The following PNPLA7 variants were observed in gnomAD, a reference collection of about 807,000 sequenced individuals.
PNPLA7 encodes patatin-like phospholipase domain-containing protein 7.
In PNPLA7, 153 loss-of-function variants were observed where a neutral mutation model predicts 161.7. That is an observed-to-expected ratio of 0.95 (90% CI 0.83 to 1.08). The LOEUF is 1.08. PNPLA7 is among the 50% of genes least tolerant of loss of function. The pLI is 0.00. For synonymous variants in PNPLA7, 809 were observed against 782.1 expected (o/e 1.03, Z -0.57); for missense variants, 1,739 against 1,856.6 (o/e 0.94, Z 1.16).
At position 137,540,880 on chromosome 9, in the gene PNPLA7, A is replaced by G; in HGVS notation, c.667-158T>C. 1 of 635,186 alleles carries G rather than the reference A, an allele frequency of 1.6e-6. No homozygotes were observed. Among genetic ancestry groups the G allele is most frequent in the Non-Finnish European group, 2.8e-6 (1 of 354,430 alleles). 39.3% of individuals were successfully genotyped at this position (635,186 alleles called of 1,614,324 possible). On this transcript the variant is annotated intron_variant, in intron 7 of 34. Transcript: ENST00000406427. This position sits in a 1 kb window ranked among gnomAD's most constrained non-coding sequence, Gnocchi z 5.1. ...CCTTGGATGGAGGGCAGGGGACAAG[A>G]TGGACCTGCTGGCATCAGGGGTACA... is the stretch of plus-strand genomic sequence containing the variant.
Position 137,462,185 on chromosome 9 carries a change from C to G in PNPLA7, c.3639G>C (p.Glu1213Asp). ...GCGGGTGGCCGGCACTCACGCAGAT[C>G]TCGTTGAACTTGCCGAAGTCCAGGG... The part of the protein sequence containing the change: ...YSTLDFGKFN[E>D]ICEVGYQHGR... Residue 1213 changes from glutamate (E) to aspartate (D), a missense_variant, in exon 31 of 35, where the codon GAG becomes GAC. Transcript: ENST00000406427. The G allele has an allele frequency of 6.4e-7, 1 of 1,564,838 alleles. No homozygotes were observed.
rs572208797 is a variant in PNPLA7 at position 137,540,406 on chromosome 9, T to C, written c.747+236A>G. On this transcript the variant is annotated intron_variant, in intron 8 of 34. Coordinates refer to ENST00000406427, the MANE Select transcript of PNPLA7 (RefSeq NM_001098537.3). This position sits in a 1 kb window ranked among gnomAD's most constrained non-coding sequence, Gnocchi z 5.1. Reference sequence around the variant, plus strand: ...CATTTATGACCCAGTTCAACAACAGTCATTTAAGAGACAACCAAAACCGTT... The same window carrying C: ...CATTTATGACCCAGTTCAACAACAGCCATTTAAGAGACAACCAAAACCGTT... Among the ~76,000 whole-genome samples the C allele has an allele frequency of 4.0e-4, 61 of 152,300 alleles. No individual in the cohort carries two copies. Among genetic ancestry groups the C allele is most frequent in the Non-Finnish European group, 7.6e-4 (52 of 68,020 alleles).
intron 8 of PNPLA7, among the ~76,000 whole-genome samples, chr9:137,526,468 G>A (rs570380744): frequency 2.0e-5 from 3 of 152,250 alleles, no homozygotes; most frequent in South Asian, 2.1e-4. Context: ...TAGTAGAGAC[G>A]GGGTTTCACC....
chr9:137,536,674 T>C (rs1053869217), intron 8 of PNPLA7, among the ~76,000 whole-genome samples: 2 of 152,140 alleles, frequency 1.3e-5, no homozygotes, highest in African/African-American at 4.8e-5. Flanking sequence ...CTGTGAATAG[T>C]ATCCATGAAG....
At chr9:137,461,838 G>GGGCGTGGCCTGATGAA (rs1831215400) in intron 32 of PNPLA7, 93 bp downstream of exon 32, 1 of 1,361,922 alleles carries the variant, frequency 7.3e-7, no homozygotes, top group South Asian at 1.4e-5. Context: ...GGCCTGAGGA[G>GGGCGTGGCCTGATGAA]CTGGGCGTGG....
rs111973522 is a variant in PNPLA7, at chr9:137,500,310, G to A, written c.1757+381C>T. Reference sequence around the variant, plus strand: ...CGACACGTCAGCCCAGGCTGCAGAGGTGGGACGGCTCACGGCCCCTGAAGC... The same window carrying A: ...CGACACGTCAGCCCAGGCTGCAGAGATGGGACGGCTCACGGCCCCTGAAGC... On this transcript the variant is annotated intron_variant, in intron 16 of 34. Transcript: ENST00000406427. The surrounding 1 kb of genome is among the most constrained non-coding windows in gnomAD (Gnocchi z 5.5). 0.022 allele frequency among the ~76,000 whole-genome samples: 3,299 copies of A among 150,144 alleles called. 41 individuals are homozygous for A. The highest frequency in any genetic ancestry group is 0.033 in the Non-Finnish European group (2,241 of 68,030).
intron 21 of PNPLA7, 94 bp downstream of exon 21, chr9:137,484,493 G>T (rs528179816): frequency 8.0e-6 from 11 of 1,370,256 alleles, no homozygotes; most frequent in Non-Finnish European, 1.1e-5. Context: ...CCCACCCACC[G>T]CCGCGTCCCC....
At chr9:137,489,284 A>G (rs904874343) in intron 20 of PNPLA7, among the ~76,000 whole-genome samples, 1 of 152,244 alleles carries the variant, frequency 6.6e-6, no homozygotes, top group African/African-American at 2.4e-5. Flanking sequence ...CCTAGTAGGC[A>G]GACCAGGGTC....
At chr9:137,503,843 A>G (rs1833701185) in intron 14 of PNPLA7, among the ~76,000 whole-genome samples, 1 of 134,438 alleles carries the variant, frequency 7.4e-6, no homozygotes, top group African/African-American at 2.8e-5. Context: ...AAGCAAGAAG[A>G]AGAAGGAAGA....
At chr9:137,491,518 A>G in intron 20 of PNPLA7, 5 of 985,430 alleles carry the variant, frequency 5.1e-6, no homozygotes, top group Non-Finnish European at 6.0e-6. Flanking sequence ...GTTACGTGTT[A>G]GACAGTGTCC....
rs561467867 is a variant in PNPLA7 at position 137,473,819 on chromosome 9, T to TG, written c.2882+4214dup. ...CCATTACCAAGGGTCGGTGGGGATG[T>TG]GGGTCACTCGAACTCTCAGACATTG... On this transcript the variant is annotated intron_variant, in intron 25 of 34. Coordinates refer to ENST00000406427, the MANE Select transcript of PNPLA7 (RefSeq NM_001098537.3). Among the ~76,000 whole-genome samples the TG allele has an allele frequency of 3.7e-4, 56 of 152,302 alleles. 1 individual carries two copies. The South Asian group carries it at 0.012, about 32-fold the overall frequency.
At chr9:137,463,323 T>C in intron 29 of PNPLA7, 92 bp downstream of exon 29, 1 of 1,166,578 alleles carries the variant, frequency 8.6e-7, no homozygotes, top group Non-Finnish European at 1.2e-6. Flanking sequence ...AGCCCAGGCT[T>C]CTTGGAGCGG....
intron 14 of PNPLA7, among the ~76,000 whole-genome samples, chr9:137,503,323 G>C (rs1756086248): frequency 6.6e-6 from 1 of 152,022 alleles, no homozygotes; most frequent in South Asian, 2.1e-4. Context: ...GGAGGTTGCA[G>C]TGAACTGAGA....
chr9:137,508,876 A>G (rs2132371779), intron 12 of PNPLA7: 1 of 152,382 alleles, frequency 6.6e-6, no homozygotes, highest in East Asian at 1.9e-4. Context: ...AAGAATTCCT[A>G]TTAATAATAA....
At position 137,480,656 on chromosome 9, in the gene PNPLA7, C is replaced by G. The variant is rs979380288; in HGVS notation, c.2412-176G>C. 7.6e-6 allele frequency: 6 copies of G among 790,442 alleles called. No individual in the cohort carries two copies. The African/African-American group carries it at 1.0e-4, about 14-fold the overall frequency. The allele number at this position is 790,442 out of a possible 1,614,324, so 49.0% of individuals were successfully genotyped here. A position where few individuals can be genotyped will look rare whatever the true frequency, so the allele number is the denominator to read the frequency against. On this transcript the variant is annotated intron_variant, in intron 22 of 34. Coordinates refer to ENST00000406427, the MANE Select transcript of PNPLA7 (RefSeq NM_001098537.3). ...GAGTTATTCAGGGCCTAGGCAGTCA[C>G]GCAGAGGCTGCAGTTAAGCCCAGAG...
chr9:137,462,943 C>G, intron 29 of PNPLA7, 110 bp from the exon 30 acceptor site: 1 of 1,426,212 alleles, frequency 7.0e-7, no homozygotes, highest in Non-Finnish European at 9.6e-7. Context: ...GGTCTCCTCT[C>G]CGCCATTACA....
At chr9:137,521,469 A>G (rs1834987536) in intron 10 of PNPLA7, among the ~76,000 whole-genome samples, 167 bp downstream of exon 10, 1 of 152,242 alleles carries the variant, frequency 6.6e-6, no homozygotes, top group Non-Finnish European at 1.5e-5. Flanking sequence ...GAATAAACAC[A>G]GCACAACCAG....
Position 137,550,174 on chromosome 9 carries a change from G to A in PNPLA7, c.24C>T (p.Ser8=), listed in dbSNP as rs1163962712. MEEEKDD[S]PQADFCLGTA... is the part of the protein sequence containing the mutation. ...GGTCCCCCGAGTTACATACCTGTGG[G>A]CTGTCATCTTTCTCTTCCTCCATGG... is the stretch of plus-strand genomic sequence containing the variant. Residue 8 remains serine, a synonymous_variant, in exon 1 of 35, where the codon AGC becomes AGT. Coordinates refer to ENST00000406427, the MANE Select transcript of PNPLA7 (RefSeq NM_001098537.3). 1.2e-6 allele frequency: 2 copies of A among 1,612,922 alleles called. No homozygotes were observed. The highest frequency in any genetic ancestry group is 4.5e-5 in the East Asian group (2 of 44,878).
chr9:137,518,736 G>A (rs1382175217), intron 11 of PNPLA7, among the ~76,000 whole-genome samples: 4 of 48,818 alleles, frequency 8.2e-5, no homozygotes, highest in East Asian at 6.0e-4. Flanking sequence ...ACTCCACTCT[G>A]TCCACTCCAT....
Sources: gnomAD v4.1 joint callset for allele counts (sites outside exome capture counted in the v4.1 genomes callset) on GRCh38, gnomAD v4.1.1 for gene constraint, Gnocchi (gnomAD v3.1) non-coding constraint, MANE v1.5 for transcripts, NCBI Gene and HGNC (gene_info 2026-07-23, HGNC 2026-07-21) for gene names.